The following CLSTN1 variants were observed in gnomAD, a reference collection of about 807,000 sequenced individuals.
The protein encoded by CLSTN1 is calsyntenin 1.
CLSTN1 carries 28 observed loss-of-function variants against 108.3 expected under a neutral mutation model. That is an observed-to-expected ratio of 0.26 (90% confidence interval 0.19 to 0.35). The LOEUF (loss-of-function observed/expected upper bound fraction) is 0.35. Among genes scored for constraint, CLSTN1 ranks in the 10% least tolerant of loss-of-function variants. The pLI, the probability that CLSTN1 is intolerant of heterozygous loss-of-function variation, is 1.00. For missense variants in CLSTN1, 1,157 were observed against 1,302.6 expected (o/e 0.89, Z 1.72); for synonymous variants, 524 against 534.9 (o/e 0.98, Z 0.28).
At chr1:9,758,385 C>T (rs745981448) in intron 2 of CLSTN1, among the ~76,000 whole-genome samples, 1 of 152,076 alleles carries the variant, frequency 6.6e-6, no homozygotes, top group Non-Finnish European at 1.5e-5. Flanking sequence ...AGCATCTCAG[C>T]TCACTGCAAC....
intron 10 of CLSTN1, among the ~76,000 whole-genome samples, chr1:9,737,985 C>T (rs969359353): frequency 3.9e-5 from 6 of 152,278 alleles, no homozygotes; most frequent in Middle Eastern, 3.4e-3. Flanking sequence ...GAAGACACTG[C>T]GCAGACAAAA....
chr1:9,769,041 G>A (rs1235385406), intron 2 of CLSTN1, among the ~76,000 whole-genome samples: 1 of 144,080 alleles, frequency 6.9e-6, no homozygotes, highest in East Asian at 2.1e-4. Flanking sequence ...GGGAGAAAGG[G>A]GAAAAGGGAG....
At chr1:9,781,258 G>A (rs1653230799) in intron 1 of CLSTN1, 2 of 751,598 alleles carry the variant, frequency 2.7e-6, no homozygotes, top group South Asian at 3.1e-5. Flanking sequence ...GGGAAATTCT[G>A]ATGAGATATG....
rs985420517 is a variant in CLSTN1 at position 9,749,910 on chromosome 1, T to A, written c.653A>T (p.Tyr218Phe). The A allele has an allele frequency of 3.1e-6, 5 of 1,613,580 alleles. No individual in the cohort carries two copies. In the Admixed American group the frequency reaches 8.3e-5, roughly 27 times the overall value. Residue 218 changes from tyrosine to phenylalanine, a missense_variant, in exon 6 of 19, where the codon TAT becomes TTT. Transcript: ENST00000377298. ...DVPFTVDKDG[Y>F]IKNTEKLNYG... ...GTTTAATTTCTCTGTGTTTTTTATA[T>A]AACCTTACAGAGGGCAAAAACAACA...
At chr1:9,783,290 G>A (rs1332547762) in intron 1 of CLSTN1, among the ~76,000 whole-genome samples, 3 of 152,006 alleles carry the variant, frequency 2.0e-5, no homozygotes, top group Middle Eastern at 3.2e-3. Context: ...AGAAATCCAC[G>A]GTTTCCAGCC....
chr1:9,789,019 T>TCGAGGCTGGATGATGTTC (rs1653636772), intron 1 of CLSTN1, among the ~76,000 whole-genome samples: 1 of 150,822 alleles, frequency 6.6e-6, no homozygotes, highest in African/African-American at 2.4e-5. Flanking sequence ...GAATTCCTTT[T>TCGAGGCTGGATGATGTTC]CGAGGCTGGA....
rs1193391412 is a variant in CLSTN1 at position 9,734,724 on chromosome 1, C to T, written c.2110+224G>A. Among the ~76,000 whole-genome samples, 4 of 152,136 alleles carry T rather than the reference C, an allele frequency of 2.6e-5. No individual in the cohort carries two copies. Among genetic ancestry groups the T allele is most frequent in the Non-Finnish European group, 5.9e-5 (4 of 68,008 alleles). ...TCAACCTCAAGCCACATCTCAAAGCCTGGCAGCAACCAGGAAAAGATGTAA... is the reference window on the plus strand; with the variant it reads ...TCAACCTCAAGCCACATCTCAAAGCTTGGCAGCAACCAGGAAAAGATGTAA... On this transcript the variant is annotated intron_variant, in intron 14 of 18. Coordinates refer to ENST00000377298, the MANE Select transcript of CLSTN1 (RefSeq NM_001009566.3). This position sits in a 1 kb window ranked among gnomAD's most constrained non-coding sequence, Gnocchi z 4.8.
intron 1 of CLSTN1, among the ~76,000 whole-genome samples, chr1:9,822,263 G>C (rs1557731395): frequency 6.6e-6 from 1 of 152,146 alleles, no homozygotes; most frequent in African/African-American, 2.4e-5. Flanking sequence ...GGCCAGCAAT[G>C]AGATACTTAG....
At chr1:9,799,017 C>T (rs945528696) in intron 1 of CLSTN1, among the ~76,000 whole-genome samples, 1 of 151,728 alleles carries the variant, frequency 6.6e-6, no homozygotes, top group African/African-American at 2.4e-5. Context: ...TCATCTCTTA[C>T]TAAATCAAAA....
rs145838193 is a variant in CLSTN1, at chr1:9,735,109, G to A, written c.1949C>T (p.Pro650Leu). The A allele has an allele frequency of 1.9e-6, 3 of 1,614,168 alleles. No individual in the cohort carries two copies. Among genetic ancestry groups the A allele is most frequent in the Non-Finnish European group, 2.5e-6 (3 of 1,180,028 alleles). Residue 650 changes from proline (P) to leucine (L), a missense_variant, in exon 14 of 19, where the codon CCC becomes CTC. Pro to Leu is a moderately conservative substitution (Grantham distance 98, BLOSUM62 -3). Transcript: ENST00000377298. Reference sequence around the variant, plus strand: ...ACTCAGGCTGATCTTGGGCTCCTCGGGCTGTAAAACCATCACGTAGCCATC... The same window carrying A: ...ACTCAGGCTGATCTTGGGCTCCTCGAGCTGTAAAACCATCACGTAGCCATC... The part of the protein sequence containing the change: ...PVDGYVMVLQ[P>L]EEPKISLSGV...
Position 9,823,710 on chromosome 1 carries a change from C to T in CLSTN1, c.24G>A (p.Ala8=). 2 of 1,112,014 alleles carry T rather than the reference C, an allele frequency of 1.8e-6. No individual in the cohort carries two copies. The highest frequency in any genetic ancestry group is 4.3e-5 in the South Asian group (1 of 23,230). The allele number at this position is 1,112,014 out of a possible 1,614,324, so 68.9% of individuals were successfully genotyped here. A position where few individuals can be genotyped will look rare whatever the true frequency, so the allele number is the denominator to read the frequency against. The change falls in exon 1 of 19, where the codon GCG becomes GCA. Residue 8 remains alanine, a synonymous_variant. Transcript: ENST00000377298. The surrounding 1 kb of genome is among the most constrained non-coding windows in gnomAD (Gnocchi z 6.3). MLRRPAP[A]LAPAARLLLA... ...GCAGCAGCCGGGCGGCCGGGGCCAG[C>T]GCGGGAGCGGGGCGGCGCAGCATCG...
rs768730934 is a variant in CLSTN1 at position 9,731,907 on chromosome 1, GAA to G, written c.2428-13_2428-12del. On this transcript the variant is annotated splice_polypyrimidine_tract_variant and intron_variant, in intron 16 of 18. Transcript: ENST00000377298. ...GTGGATTACATTCACCTATAGCAGA[GAA>G]AGAGAGGATCGCTGGAGACAGGCAT... 1.7e-5 allele frequency: 27 copies of G among 1,614,016 alleles called. No homozygotes were observed. The highest frequency in any genetic ancestry group is 2.1e-5 in the Non-Finnish European group (25 of 1,180,020).
At chr1:9,771,384 G>GCCT (rs1652666099) in intron 2 of CLSTN1, among the ~76,000 whole-genome samples, 1 of 152,176 alleles carries the variant, frequency 6.6e-6, no homozygotes, top group Non-Finnish European at 1.5e-5. Context: ...GGGAGGCCAA[G>GCCT]GCGGGTGGAT....
chr1:9,818,501 G>T (rs1570531365), intron 1 of CLSTN1, among the ~76,000 whole-genome samples: 1 of 144,920 alleles, frequency 6.9e-6, no homozygotes, highest in Non-Finnish European at 1.5e-5. Context: ...GCTAATTTTT[G>T]TATTTTTAGT....
intron 2 of CLSTN1, among the ~76,000 whole-genome samples, chr1:9,762,945 G>GT (rs1652154448): frequency 6.6e-6 from 1 of 151,202 alleles, no homozygotes; most frequent in Non-Finnish European, 1.5e-5. Context: ...CTAATCAGCA[G>GT]TTTTTTCGGG....
At chr1:9,816,426 A>T (rs529467465) in intron 1 of CLSTN1, among the ~76,000 whole-genome samples, 2 of 152,148 alleles carry the variant, frequency 1.3e-5, no homozygotes, top group East Asian at 3.9e-4. Flanking sequence ...TTCTGAAATT[A>T]GATAGTGGTG....
chr1:9,802,088 C>A (rs1654296409), intron 1 of CLSTN1, among the ~76,000 whole-genome samples: 1 of 152,114 alleles, frequency 6.6e-6, no homozygotes, highest in Admixed American at 6.6e-5. Flanking sequence ...GAAACTGAGG[C>A]ATGTAGAGAT....
At chr1:9,806,912 TTACAC>T (rs1283084452) in intron 1 of CLSTN1, among the ~76,000 whole-genome samples, 1 of 152,088 alleles carries the variant, frequency 6.6e-6, no homozygotes, top group Non-Finnish European at 1.5e-5. Flanking sequence ...CACAAAATGT[TTACAC>T]TAATGATGTC....
chr1:9,808,754 T>C (rs908351995), intron 1 of CLSTN1, among the ~76,000 whole-genome samples: 7 of 152,078 alleles, frequency 4.6e-5, no homozygotes, highest in Admixed American at 1.3e-4. Flanking sequence ...TCACATTGGT[T>C]GGCCACTGCT....
Sources: gnomAD v4.1 joint callset for allele counts (sites outside exome capture counted in the v4.1 genomes callset) on GRCh38, gnomAD v4.1.1 for gene constraint, Gnocchi (gnomAD v3.1) non-coding constraint, MANE v1.5 for transcripts, NCBI Gene and HGNC (gene_info 2026-07-23, HGNC 2026-07-21) for gene names.